The following CDK14 variants were observed in gnomAD, a reference collection of about 807,000 sequenced individuals.
CDK14 encodes the protein cyclin dependent kinase 14.
Under a neutral mutation model 60.7 loss-of-function variants are expected in CDK14, and 34 were observed. The ratio of observed to expected loss-of-function variants is 0.56; its 90% CI spans 0.43 to 0.75. The LOEUF is 0.75. Ranked by LOEUF, CDK14 falls within the 30% of genes least tolerant of loss-of-function variation. CDK14 has a pLI of 0.00. For synonymous variants in CDK14, 197 were observed against 203.7 expected (o/e 0.97, Z 0.28); for missense variants, 482 against 564.1 (o/e 0.85, Z 1.47).
At chr7:90,729,344 G>GGTTTT (rs1802762380) in intron 3 of CDK14, among the ~76,000 whole-genome samples, 1 of 45,206 alleles carries the variant, frequency 2.2e-5, no homozygotes. Flanking sequence ...AGGTATCAAG[G>GGTTTT]TTTTTTTTTT....
chr7:91,008,015 G>A (rs1349857602), intron 10 of CDK14, among the ~76,000 whole-genome samples: 1 of 149,886 alleles, frequency 6.7e-6, no homozygotes, highest in Non-Finnish European at 1.5e-5. Flanking sequence ...GACCTCCCCA[G>A]AAAAGACTTC....
At chr7:90,672,536 T>A (rs1023502) in intron 2 of CDK14, among the ~76,000 whole-genome samples, 54,702 of 101,386 alleles carry the variant, frequency 0.54, 14,073 homozygotes, top group East Asian at 0.7. Flanking sequence ...TTTTTTTTTT[T>A]AATAATTTGG....
intron 5 of CDK14, among the ~76,000 whole-genome samples, chr7:90,805,358 A>C (rs1400268484): frequency 6.6e-6 from 1 of 152,098 alleles, no homozygotes; most frequent in Non-Finnish European, 1.5e-5. Flanking sequence ...CAATAGATGT[A>C]AAAAATGTTC....
At chr7:90,775,654 T>G (rs1408488268) in intron 4 of CDK14, among the ~76,000 whole-genome samples, 2 of 36,264 alleles carry the variant, frequency 5.5e-5, no homozygotes, top group African/African-American at 2.4e-4. Flanking sequence ...CCCCTTCCCC[T>G]CCCCCTTTCT....
chr7:90,720,044 A>G (rs765010823), intron 2 of CDK14, among the ~76,000 whole-genome samples: 2 of 152,172 alleles, frequency 1.3e-5, no homozygotes, highest in African/African-American at 2.4e-5. Context: ...TTAATGAACA[A>G]ATCTTTACTG....
At chr7:90,883,414 T>G (rs1584084307) in intron 6 of CDK14, among the ~76,000 whole-genome samples, 1 of 152,264 alleles carries the variant, frequency 6.6e-6, no homozygotes, top group South Asian at 2.1e-4. Flanking sequence ...GTCTAATCCC[T>G]GAGTAGACCA....
intron 2 of CDK14, among the ~76,000 whole-genome samples, chr7:90,703,695 C>T (rs999733596): frequency 6.6e-5 from 10 of 152,032 alleles, no homozygotes; most frequent in African/African-American, 2.4e-4. Flanking sequence ...AATGGGGAAG[C>T]AACAACTGAG....
chr7:90,670,716 G>A (rs1801078674), intron 2 of CDK14, among the ~76,000 whole-genome samples: 1 of 152,022 alleles, frequency 6.6e-6, no homozygotes, highest in Non-Finnish European at 1.5e-5. Context: ...ACTGTCATGA[G>A]GACAGCACCA....
At chr7:91,008,018 A>G (rs1043812202) in intron 10 of CDK14, among the ~76,000 whole-genome samples, 2 of 151,928 alleles carry the variant, frequency 1.3e-5, no homozygotes, top group Middle Eastern at 3.4e-3. Flanking sequence ...CTCCCCAGAA[A>G]AGACTTCTGC....
intron 12 of CDK14, among the ~76,000 whole-genome samples, chr7:91,090,726 A>G (rs2116268545): frequency 6.6e-6 from 1 of 152,290 alleles, no homozygotes. Flanking sequence ...TTCTCTCAGA[A>G]CATCCGAGAG....
At chr7:90,747,573 G>A in intron 3 of CDK14, 108 bp from the exon 4 acceptor site, 1 of 658,710 alleles carries the variant, frequency 1.5e-6, no homozygotes, top group Non-Finnish European at 2.6e-6. Flanking sequence ...AGAAAAAACA[G>A]TTATTTAAAA....
At chr7:91,173,412 A>C (rs145862443) in intron 14 of CDK14, among the ~76,000 whole-genome samples, 180 of 150,180 alleles carry the variant, frequency 1.2e-3, no homozygotes, top group Middle Eastern at 7.0e-3. Context: ...TGGGCAAAAG[A>C]GTAAGACTGC....
At chr7:90,807,003 A>G (rs946384888) in intron 5 of CDK14, among the ~76,000 whole-genome samples, 5 of 152,220 alleles carry the variant, frequency 3.3e-5, no homozygotes, top group South Asian at 4.1e-4. Flanking sequence ...CTGCAGCTCA[A>G]GGAGGCCTGC....
chr7:90,613,895 AC>A (rs1185094625), intron 2 of CDK14, among the ~76,000 whole-genome samples: 1 of 152,042 alleles, frequency 6.6e-6, no homozygotes, highest in Non-Finnish European at 1.5e-5. Context: ...CCTATTAGGA[AC>A]CATAGCAATC....
intron 3 of CDK14, among the ~76,000 whole-genome samples, chr7:90,739,932 A>G (rs1803274971): frequency 6.6e-6 from 1 of 152,154 alleles, no homozygotes; most frequent in African/African-American, 2.4e-5. Flanking sequence ...TGAAAAATGC[A>G]TGAGAACATA....
At chr7:90,984,849 A>T (rs1795330940) in intron 10 of CDK14, among the ~76,000 whole-genome samples, 1 of 152,228 alleles carries the variant, frequency 6.6e-6, no homozygotes, top group South Asian at 2.1e-4. Flanking sequence ...AAACTGACAG[A>T]CATTCTACAA....
intron 4 of CDK14, among the ~76,000 whole-genome samples, chr7:90,755,716 T>C (rs921221850): frequency 1.3e-5 from 2 of 152,186 alleles, no homozygotes; most frequent in South Asian, 4.1e-4. Context: ...TTAATAACCA[T>C]ATTGCTTGAG....
chr7:91,126,505 A>G (rs959941395), intron 14 of CDK14, among the ~76,000 whole-genome samples: 1 of 152,222 alleles, frequency 6.6e-6, no homozygotes, highest in African/African-American at 2.4e-5. Context: ...CTTATAGCAC[A>G]TAATTAATTC....
chr7:90,604,159 A>T (rs1296935964), intron 1 of CDK14, 59 bp from the exon 2 acceptor site: 2 of 1,149,656 alleles, frequency 1.7e-6, no homozygotes, highest in Non-Finnish European at 2.5e-6. Context: ...TGTTTTCTAT[A>T]ACTTAGTCTC....
Sources: allele counts gnomAD v4.1 joint callset (sites outside exome capture counted in the v4.1 genomes callset), GRCh38; gene constraint gnomAD v4.1.1; transcripts MANE v1.5; gene names NCBI Gene and HGNC (gene_info 2026-07-23, HGNC 2026-07-21).